The following MCC variants were observed in gnomAD, a reference collection of about 807,000 sequenced individuals.
MCC encodes the protein MCC regulator of Wnt signaling pathway, also known as colorectal mutant cancer protein.
In MCC, 90 loss-of-function variants were observed where a neutral mutation model predicts 116.2. The observed-to-expected ratio is 0.77, with a 90% CI of 0.65 to 0.92. The LOEUF (loss-of-function observed/expected upper bound fraction) is 0.92, where lower values mean the gene tolerates loss of function less well. MCC is among the 40% of genes least tolerant of loss of function. The pLI, the probability that MCC is intolerant of heterozygous loss-of-function variation, is 0.00. For missense variants in MCC, 1,516 were observed against 1,312.2 expected (o/e 1.16, Z -2.40); for synonymous variants, 578 against 510.5 (o/e 1.13, Z -1.78).
chr5:113,486,241 C>G (rs1474267071), intron 1 of MCC, among the ~76,000 whole-genome samples: 1 of 152,210 alleles, frequency 6.6e-6, no homozygotes, highest in Admixed American at 6.5e-5. Context: ...GGGTTCATTA[C>G]TACACATACC....
At chr5:113,047,496 G>C (rs1464655380) in intron 16 of MCC, among the ~76,000 whole-genome samples, 1 of 152,200 alleles carries the variant, frequency 6.6e-6, no homozygotes, top group Non-Finnish European at 1.5e-5. Flanking sequence ...ATGCTTCAGA[G>C]TTCTTAACTA....
chr5:113,426,669 T>C (rs1039235835), intron 1 of MCC, among the ~76,000 whole-genome samples: 2 of 152,088 alleles, frequency 1.3e-5, no homozygotes, highest in Admixed American at 6.5e-5. Context: ...AATGTGAAGA[T>C]GAACAAAGAA....
Position 113,071,241 on chromosome 5 carries a change from A to G in MCC, c.1785-7T>C, listed in dbSNP as rs969977779. Reference sequence around the variant, plus strand: ...TTTGAGGTGCTCAATCCGGCTACAAAGGAACAAAAATCAGATTCACACTAG... The same window carrying G: ...TTTGAGGTGCTCAATCCGGCTACAAGGGAACAAAAATCAGATTCACACTAG... On this transcript the variant is annotated splice_polypyrimidine_tract_variant and splice_region_variant and intron_variant, in intron 11 of 18. Transcript: ENST00000408903. 5.0e-6 allele frequency: 8 copies of G among 1,612,900 alleles called. No individual in the cohort carries two copies. Among genetic ancestry groups the G allele is most frequent in the South Asian group, 1.1e-5 (1 of 90,692 alleles).
chr5:113,362,121 A>T (rs928794731), intron 2 of MCC, among the ~76,000 whole-genome samples: 13 of 152,196 alleles, frequency 8.5e-5, no homozygotes, highest in African/African-American at 1.2e-4. Flanking sequence ...AGCCCTGACT[A>T]ATACAATGTT....
At chr5:113,044,114 TACAAG>T (rs1417206589) in intron 16 of MCC, among the ~76,000 whole-genome samples, 1 of 152,164 alleles carries the variant, frequency 6.6e-6, no homozygotes, top group African/African-American at 2.4e-5. Context: ...CTTGTAATCA[TACAAG>T]ACAAGTGAGA....
intron 14 of MCC, among the ~76,000 whole-genome samples, 196 bp from the exon 15 acceptor site, chr5:113,054,155 T>C (rs1171263153): frequency 6.6e-6 from 1 of 152,208 alleles, no homozygotes; most frequent in African/African-American, 2.4e-5. Flanking sequence ...GAATAACAAA[T>C]GCTTACACTC....
Position 113,286,669 on chromosome 5 carries a change from A to C in MCC, c.627+53850T>G, listed in dbSNP as rs596654. ...GGGCTTTTTTATTGCTTATTTACAA[A>C]GTTAACAAACTCAACATATGGTTTT... On this transcript the variant is annotated intron_variant, in intron 3 of 18. Transcript: ENST00000408903. Among the ~76,000 whole-genome samples, 5,227 of 152,318 alleles carry C rather than the reference A, an allele frequency of 0.034. 472 individuals are homozygous for C. The East Asian group carries it at 0.39, about 11-fold the overall frequency.
intron 11 of MCC, among the ~76,000 whole-genome samples, chr5:113,075,622 C>T (rs929199458): frequency 1.3e-5 from 2 of 152,198 alleles, no homozygotes; most frequent in Non-Finnish European, 2.9e-5. Context: ...TCAAAACAGA[C>T]CAATCACCTC....
intron 1 of MCC, among the ~76,000 whole-genome samples, chr5:113,420,786 G>A (rs1026535221): frequency 1.6e-4 from 24 of 152,150 alleles, no homozygotes; most frequent in Admixed American, 1.3e-4. Context: ...AGGGAGGACG[G>A]CAGCACAACT....
At chr5:113,040,044 A>G (rs1751593951) in intron 17 of MCC, among the ~76,000 whole-genome samples, 1 of 151,218 alleles carries the variant, frequency 6.6e-6, no homozygotes, top group Non-Finnish European at 1.5e-5. Flanking sequence ...TTAAGAAAAC[A>G]TCTCGTGTGC....
chr5:113,053,092 C>T (rs1400395334), intron 15 of MCC, among the ~76,000 whole-genome samples: 5 of 152,164 alleles, frequency 3.3e-5, no homozygotes, highest in African/African-American at 7.2e-5. Context: ...GTAGGTATGG[C>T]GGTTTAACTA....
At chr5:113,119,141 T>A (rs1312047589) in intron 6 of MCC, among the ~76,000 whole-genome samples, 1 of 152,206 alleles carries the variant, frequency 6.6e-6, no homozygotes, top group African/African-American at 2.4e-5. Context: ...TATTTGAGTA[T>A]CTCCTACGTG....
rs187615073 is a variant in MCC, at chr5:113,376,998, C to T, written c.415+7970G>A. On this transcript the variant is annotated intron_variant, in intron 2 of 18. Transcript: ENST00000408903. ...CCCTCTTTTCTCTGTGGCTACCCGA[C>T]AGAATGGCTGTAAGACTTGGGCTGC... 3.9e-5 allele frequency among the ~76,000 whole-genome samples: 6 copies of T among 152,240 alleles called. No individual in the cohort carries two copies. In the East Asian group the frequency reaches 1.2e-3, roughly 29 times the overall value.
chr5:113,126,138 C>A (rs1329767330), intron 5 of MCC, among the ~76,000 whole-genome samples: 2 of 152,134 alleles, frequency 1.3e-5, no homozygotes, highest in Non-Finnish European at 2.9e-5. Context: ...GAAGCATCTG[C>A]GAAGTGCTTC....
intron 3 of MCC, among the ~76,000 whole-genome samples, chr5:113,224,935 G>C (rs953580735): frequency 6.6e-6 from 1 of 152,186 alleles, no homozygotes; most frequent in African/African-American, 2.4e-5. Context: ...ACCATGATCT[G>C]AGAGGTACCC....
intron 3 of MCC, among the ~76,000 whole-genome samples, chr5:113,219,898 T>C (rs1290016918): frequency 6.6e-6 from 1 of 151,830 alleles, no homozygotes; most frequent in Non-Finnish European, 1.5e-5. Context: ...ACCAACTTGG[T>C]ACAAATAAAT....
intron 3 of MCC, among the ~76,000 whole-genome samples, chr5:113,274,687 T>C (rs1394538230): frequency 3.3e-5 from 5 of 152,116 alleles, no homozygotes; most frequent in Non-Finnish European, 5.9e-5. Flanking sequence ...GTTAACAGAA[T>C]TGAGGCCAGA....
At chr5:113,481,819 A>G (rs943782430) in intron 1 of MCC, among the ~76,000 whole-genome samples, 3 of 152,182 alleles carry the variant, frequency 2.0e-5, no homozygotes, top group African/African-American at 7.2e-5. Flanking sequence ...ATGTTCACCC[A>G]CTGTTTTTTA....
chr5:113,189,065 G>A (rs952128087), intron 3 of MCC, among the ~76,000 whole-genome samples: 4 of 152,152 alleles, frequency 2.6e-5, no homozygotes, highest in East Asian at 1.9e-4. Flanking sequence ...GAGTGAGGCC[G>A]TCTACCAAGC....
Sources: allele counts gnomAD v4.1 joint callset (sites outside exome capture counted in the v4.1 genomes callset), GRCh38; gene constraint gnomAD v4.1.1; transcripts MANE v1.5; gene names NCBI Gene and HGNC (gene_info 2026-07-23, HGNC 2026-07-21).